Variants in DEPTOR observed in about 807,000 individuals in gnomAD.
DEPTOR encodes the protein DEP domain containing MTOR interacting protein.
DEPTOR carries 41 observed loss-of-function variants against 41.6 expected under a neutral mutation model. The observed-to-expected ratio is 0.98, with a 90% CI of 0.77 to 1.28. The LOEUF is 1.28. Among genes scored for constraint, DEPTOR ranks in the 50% most tolerant of loss-of-function variants. The pLI is 0.00. For synonymous variants in DEPTOR, 195 were observed against 192.3 expected, an observed-to-expected ratio of 1.01 and a Z score of -0.12; for missense variants, 514 against 527.9, an observed-to-expected ratio of 0.97 and a Z score of 0.26.
At chr8:119,880,524 C>T (rs1309451781) in intron 1 of DEPTOR, among the ~76,000 whole-genome samples, 1 of 152,062 alleles carries the variant, frequency 6.6e-6, no homozygotes, top group East Asian at 1.9e-4. Context: ...AAAAATGAAA[C>T]ACTAAAACAA....
At chr8:119,951,510 A>G (rs1316031538) in intron 3 of DEPTOR, among the ~76,000 whole-genome samples, 2 of 152,186 alleles carry the variant, frequency 1.3e-5, no homozygotes, top group Non-Finnish European at 2.9e-5. Flanking sequence ...ACTAAAACCC[A>G]TGGGGAATGT....
intron 1 of DEPTOR, among the ~76,000 whole-genome samples, chr8:119,924,595 CTT>C (rs1827940886): frequency 6.6e-6 from 1 of 152,030 alleles, no homozygotes. Flanking sequence ...ATTACAAAGA[CTT>C]TTTTTGGTCA....
intron 1 of DEPTOR, among the ~76,000 whole-genome samples, chr8:119,914,856 G>A (rs1294084223): frequency 6.6e-6 from 1 of 152,248 alleles, no homozygotes; most frequent in Admixed American, 6.5e-5. Context: ...TTCTAACACA[G>A]TCTATTTGTG....
chr8:119,895,702 AG>A (rs1248516548), intron 1 of DEPTOR, among the ~76,000 whole-genome samples: 1 of 152,176 alleles, frequency 6.6e-6, no homozygotes, highest in African/African-American at 2.4e-5. Context: ...TGAGCCTCTG[AG>A]GTCACATCCA....
intron 4 of DEPTOR, among the ~76,000 whole-genome samples, chr8:119,997,442 C>T (rs1812283738): frequency 6.6e-6 from 1 of 152,112 alleles, no homozygotes; most frequent in African/African-American, 2.4e-5. Flanking sequence ...GAATATGTTG[C>T]CCAGGCTTGT....
intron 1 of DEPTOR, among the ~76,000 whole-genome samples, chr8:119,885,284 T>C (rs531816332): frequency 2.0e-5 from 3 of 152,350 alleles, no homozygotes; most frequent in Admixed American, 2.0e-4. Context: ...GACTGTGTTT[T>C]ACATTGAAGT....
At position 119,960,950 on chromosome 8, in the gene DEPTOR, G is replaced by C. The variant is rs138993269; in HGVS notation, c.426-4282G>C. Among the ~76,000 whole-genome samples, 258 of 152,184 alleles carry C rather than the reference G, an allele frequency of 1.7e-3. 1 individual carries two copies. Among genetic ancestry groups the C allele is most frequent in the African/African-American group, 6.0e-3 (248 of 41,526 alleles). On this transcript the variant is annotated intron_variant, in intron 3 of 8. Coordinates refer to ENST00000286234, the MANE Select transcript of DEPTOR (RefSeq NM_022783.4). ...ACTGAGATTGCACCATTGCACTCCA[G>C]CCTGGGTGACAAGAGTGAAACTCCA...
intron 8 of DEPTOR, among the ~76,000 whole-genome samples, chr8:120,030,804 C>T (rs1586666000): frequency 2.0e-5 from 3 of 151,874 alleles, no homozygotes; most frequent in Admixed American, 6.6e-5. Context: ...TCATCAATTT[C>T]TTTGTTGTTG....
chr8:119,923,031 G>A (rs1252158692), intron 1 of DEPTOR, among the ~76,000 whole-genome samples: 1 of 147,840 alleles, frequency 6.8e-6, no homozygotes, highest in African/African-American at 2.5e-5. Flanking sequence ...AGGAAGAACT[G>A]AACCTCATTG....
At chr8:119,948,106 G>A (rs1440301489) in intron 3 of DEPTOR, among the ~76,000 whole-genome samples, 1 of 152,108 alleles carries the variant, frequency 6.6e-6, no homozygotes, top group Non-Finnish European at 1.5e-5. Context: ...CCTTCATCTT[G>A]TATGTACCTG....
In DEPTOR at chr8:120,014,620, C is replaced by T. The variant is rs561971228; in HGVS notation, c.1101+5487C>T. On this transcript the variant is annotated intron_variant, in intron 8 of 8. Transcript: ENST00000286234. The stretch of plus-strand genomic sequence containing the variant: ...TTGGCTCACTGCAACCTCCGCCTCC[C>T]GGGTTCAAGCGATTCTTCTGCTTGA... Among the ~76,000 whole-genome samples, 9 of 151,914 alleles carry T rather than the reference C, an allele frequency of 5.9e-5. No individual in the cohort carries two copies. In the East Asian group the frequency reaches 1.4e-3, roughly 23 times the overall value.
rs140562570 is a variant in DEPTOR, at chr8:119,886,121, A to G, written c.122+12153A>G. Among the ~76,000 whole-genome samples, 558 of 152,274 alleles carry G rather than the reference A, an allele frequency of 3.7e-3. 2 individuals are homozygous for G. Among genetic ancestry groups the G allele is most frequent in the African/African-American group, 0.012 (510 of 41,568 alleles). ...CAATCAGCTTAAACTGTTGCCTCCTATAAGTGGAAGTTCAGGAGATACAAT... is the reference window on the plus strand; with the variant it reads ...CAATCAGCTTAAACTGTTGCCTCCTGTAAGTGGAAGTTCAGGAGATACAAT... On this transcript the variant is annotated intron_variant, in intron 1 of 8. Transcript: ENST00000286234.
intron 4 of DEPTOR, among the ~76,000 whole-genome samples, chr8:119,995,588 C>CAAAAA (rs773251025): frequency 3.2e-5 from 3 of 92,432 alleles, no homozygotes. Flanking sequence ...TCCTCTGTCT[C>CAAAAA]AAAAAAAAAA....
At chr8:119,887,138 T>TCCCCCCCCCCCC (rs1827376735) in intron 1 of DEPTOR, among the ~76,000 whole-genome samples, 1 of 6,932 alleles carries the variant, frequency 1.4e-4, no homozygotes, top group African/African-American at 5.8e-4. Flanking sequence ...CCCCCCCCCC[T>TCCCCCCCCCCCC]CCCCTCCTCC....
chr8:119,886,193 G>A (rs1386983083), intron 1 of DEPTOR, among the ~76,000 whole-genome samples: 1 of 152,050 alleles, frequency 6.6e-6, no homozygotes, highest in Non-Finnish European at 1.5e-5. Context: ...GTTCTCTCTT[G>A]TAGCTCCTTC....
At chr8:120,010,392 A>G (rs1812511986) in intron 8 of DEPTOR, among the ~76,000 whole-genome samples, 1 of 152,078 alleles carries the variant, frequency 6.6e-6, no homozygotes, top group Admixed American at 6.6e-5. Context: ...AGGCGGGTGG[A>G]TCACTTTAGG....
At chr8:119,924,914 C>T (rs1474780326) in intron 1 of DEPTOR, among the ~76,000 whole-genome samples, 1 of 152,104 alleles carries the variant, frequency 6.6e-6, no homozygotes, top group African/African-American at 2.4e-5. Flanking sequence ...AAGTAGGCCC[C>T]TGTATTAGTC....
At chr8:119,980,193 A>T (rs78160211) in intron 4 of DEPTOR, among the ~76,000 whole-genome samples, 4,509 of 151,972 alleles carry the variant, frequency 0.03, 61 homozygotes, top group Non-Finnish European at 0.036. Flanking sequence ...GGTTAAATTA[A>T]TCTTCATAAT....
At chr8:120,048,455 T>C (rs1325114056) in intron 8 of DEPTOR, among the ~76,000 whole-genome samples, 1 of 152,184 alleles carries the variant, frequency 6.6e-6, no homozygotes, top group Non-Finnish European at 1.5e-5. Context: ...TCCACCATGG[T>C]TGAAAACTGC....
Sources: allele counts gnomAD v4.1 joint callset (sites outside exome capture counted in the v4.1 genomes callset), GRCh38; gene constraint gnomAD v4.1.1; transcripts MANE v1.5; gene names NCBI Gene and HGNC (gene_info 2026-07-23, HGNC 2026-07-21).